Variants in KIF13A observed in about 807,000 individuals in gnomAD.
KIF13A encodes kinesin-like protein KIF13A.
Under a neutral mutation model 212.2 loss-of-function variants are expected in KIF13A, and 79 were observed. The observed-to-expected ratio is 0.37, with a 90% confidence interval of 0.31 to 0.45. KIF13A has a LOEUF of 0.45. KIF13A is among the 20% of genes least tolerant of loss of function. KIF13A has a pLI of 1.00. For missense variants in KIF13A, 1,901 were observed against 2,209.0 expected (o/e 0.86, Z 2.79); for synonymous variants, 789 against 808.6 (o/e 0.98, Z 0.41).
At chr6:17,881,085 T>C (rs1431647236) in intron 3 of KIF13A, among the ~76,000 whole-genome samples, 2 of 152,230 alleles carry the variant, frequency 1.3e-5, no homozygotes, top group African/African-American at 4.8e-5. Flanking sequence ...TTTTGAAATC[T>C]GAAAGCTATT....
chr6:17,942,515 G>A (rs1232395737), intron 2 of KIF13A, among the ~76,000 whole-genome samples: 2 of 152,052 alleles, frequency 1.3e-5, no homozygotes, highest in African/African-American at 4.8e-5. Flanking sequence ...GTTGCAGCAA[G>A]TATTAAATGA....
chr6:17,952,358 T>G (rs1163801388), intron 2 of KIF13A, among the ~76,000 whole-genome samples: 1 of 146,226 alleles, frequency 6.8e-6, no homozygotes, highest in Non-Finnish European at 1.5e-5. Flanking sequence ...ATTGGCCAGG[T>G]GTGGTGGCTC....
rs1276148564 is a variant in KIF13A, at chr6:17,951,712, C to T, written c.146+35342G>A. Among the ~76,000 whole-genome samples the T allele has an allele frequency of 6.6e-6, 1 of 152,122 alleles. No individual in the cohort carries two copies. The highest frequency in any genetic ancestry group is 2.4e-5 in the African/African-American group (1 of 41,430). On this transcript the variant is annotated intron_variant, in intron 2 of 38. Coordinates refer to ENST00000259711, the MANE Select transcript of KIF13A (RefSeq NM_022113.6). The surrounding 1 kb of genome is among the most constrained non-coding windows in gnomAD (Gnocchi z 4.9). ...GACATTTCACATCAATGGAATCATA[C>T]AATACATGGTTCCTTATGACTGCTT...
chr6:17,981,213 TA>T (rs1781046384), intron 2 of KIF13A, among the ~76,000 whole-genome samples: 1 of 152,002 alleles, frequency 6.6e-6, no homozygotes, highest in Non-Finnish European at 1.5e-5. Context: ...ACATAGCCAT[TA>T]TTTTTTTAAT....
In KIF13A at chr6:17,811,219, CA is replaced by C. The variant is rs915852960; in HGVS notation, c.2001-2290del. ...TAAGTCTCATCTTCCACTGAACAACCAACAAGCTTACTGTGCAGTCTGTCCA... is the reference window on the plus strand; with the variant it reads ...TAAGTCTCATCTTCCACTGAACAACCACAAGCTTACTGTGCAGTCTGTCCA... On this transcript the variant is annotated intron_variant, in intron 17 of 38. Coordinates refer to ENST00000259711, the MANE Select transcript of KIF13A (RefSeq NM_022113.6). This position sits in a 1 kb window ranked among gnomAD's most constrained non-coding sequence, Gnocchi z 6.0. 2.0e-5 allele frequency among the ~76,000 whole-genome samples: 3 copies of C among 152,160 alleles called. No individual in the cohort carries two copies. The highest frequency in any genetic ancestry group is 7.2e-5 in the African/African-American group (3 of 41,424).
At chr6:17,851,417 G>A (rs1184885981) in intron 7 of KIF13A, among the ~76,000 whole-genome samples, 1 of 152,202 alleles carries the variant, frequency 6.6e-6, no homozygotes, top group Non-Finnish European at 1.5e-5. Context: ...AGAGATAGCA[G>A]TTTGTGTTAT....
chr6:17,982,238 G>C lies in KIF13A; in HGVS notation c.146+4816C>G, dbSNP rs1415882271. ...TGCCTCCTAAGTAGCTGGGATTATA[G>C]GTGTGCACCACCACACTCGGCTAAC... On this transcript the variant is annotated intron_variant, in intron 2 of 38. Coordinates refer to ENST00000259711, the MANE Select transcript of KIF13A (RefSeq NM_022113.6). This position sits in a 1 kb window ranked among gnomAD's most constrained non-coding sequence, Gnocchi z 5.1. 1 of 155,064 alleles carries C rather than the reference G, an allele frequency of 6.4e-6. No individual in the cohort carries two copies. The highest frequency in any genetic ancestry group is 2.4e-5 in the African/African-American group (1 of 41,424). 9.6% of individuals were successfully genotyped at this position (155,064 alleles called of 1,614,324 possible). A position where few individuals can be genotyped will look rare whatever the true frequency, so the allele number is the denominator to read the frequency against.
chr6:17,935,038 G>C (rs1160365761), intron 2 of KIF13A, among the ~76,000 whole-genome samples: 3 of 152,108 alleles, frequency 2.0e-5, no homozygotes, highest in Admixed American at 6.5e-5. Context: ...TTCACTTGTT[G>C]GCCCAAAATA....
chr6:17,881,674 C>T (rs992309537), intron 3 of KIF13A: 4 of 330,410 alleles, frequency 1.2e-5, no homozygotes, highest in African/African-American at 4.5e-5. Flanking sequence ...TCCAGCCTGG[C>T]GACAGAGCTA....
intron 2 of KIF13A, among the ~76,000 whole-genome samples, chr6:17,956,022 C>G (rs1348597938): frequency 6.6e-6 from 1 of 152,156 alleles, no homozygotes; most frequent in Non-Finnish European, 1.5e-5. Context: ...ATTAACATTG[C>G]TTTAAATCTA....
chr6:17,804,519 T>A lies in KIF13A; in HGVS notation c.2305-9A>T. ...CCGTAGAGTCTCTTTGCCTGAGAAG[T>A]AGGAGGGGCCAGTGAGTGGACGAAT... is the stretch of plus-strand genomic sequence containing the variant. On this transcript the variant is annotated splice_polypyrimidine_tract_variant and intron_variant, in intron 19 of 38. Transcript: ENST00000259711. 1 of 1,585,384 alleles carries A rather than the reference T, an allele frequency of 6.3e-7. No individual in the cohort carries two copies. Among genetic ancestry groups the A allele is most frequent in the East Asian group, 2.3e-5 (1 of 43,894 alleles).
At chr6:17,841,324 C>G (rs1440780284) in intron 9 of KIF13A, among the ~76,000 whole-genome samples, 4 of 152,144 alleles carry the variant, frequency 2.6e-5, no homozygotes, top group Non-Finnish European at 4.4e-5. Flanking sequence ...CTTGGCCTCC[C>G]AAAGTGCTGG....
At chr6:17,942,740 G>A (rs940777980) in intron 2 of KIF13A, among the ~76,000 whole-genome samples, 2 of 152,156 alleles carry the variant, frequency 1.3e-5, no homozygotes, top group African/African-American at 4.8e-5. Flanking sequence ...CACTTTACGA[G>A]GCCAAGGCAG....
intron 33 of KIF13A, among the ~76,000 whole-genome samples, chr6:17,778,347 T>A (rs1174666399): frequency 6.6e-6 from 1 of 152,172 alleles, no homozygotes. Context: ...AAGGGAAGAT[T>A]TTTCTGACAG....
chr6:17,816,610 AC>A lies in KIF13A; in HGVS notation c.2000+409del, dbSNP rs915727679. 1.3e-5 allele frequency among the ~76,000 whole-genome samples: 2 copies of A among 152,144 alleles called. No individual in the cohort carries two copies. Among genetic ancestry groups the A allele is most frequent in the African/African-American group, 4.8e-5 (2 of 41,440 alleles). On this transcript the variant is annotated intron_variant, in intron 17 of 38. Coordinates refer to ENST00000259711, the MANE Select transcript of KIF13A (RefSeq NM_022113.6). The surrounding 1 kb of genome is among the most constrained non-coding windows in gnomAD (Gnocchi z 4.3). ...TAGGATTACAGGTGTGAGCCACTGC[AC>A]CCAGCTATAAATCTTAAACTTTCAC...
In KIF13A at chr6:17,849,441, T is replaced by C; in HGVS notation, c.766A>G (p.Ser256Gly). Residue 256 changes from serine to glycine, a missense_variant, in exon 9 of 39, where the codon AGC becomes GGC. By Grantham distance (56) the Ser-to-Gly change is moderately conservative. Transcript: ENST00000259711. This position sits in a 1 kb window ranked among gnomAD's most constrained non-coding sequence, Gnocchi z 5.7. ...GCTCCTGTTTTAGATACTCTTTCGCTACCCGCCAGGTCTACCAAGCTGACC... is the reference window on the plus strand; with the variant it reads ...GCTCCTGTTTTAGATACTCTTTCGCCACCCGCCAGGTCTACCAAGCTGACC... ...SKVSLVDLAG[S>G]ERVSKTGAAG... 1.2e-6 allele frequency: 2 copies of C among 1,613,822 alleles called. No homozygotes were observed. The highest frequency in any genetic ancestry group is 1.7e-6 in the Non-Finnish European group (2 of 1,179,820).
chr6:17,799,550 CAT>C lies in KIF13A; in HGVS notation c.2617-113_2617-112del, dbSNP rs1216654066. The C allele has an allele frequency of 3.5e-6, 3 of 862,730 alleles. No individual in the cohort carries two copies. Among genetic ancestry groups the C allele is most frequent in the African/African-American group, 1.7e-5 (1 of 58,672 alleles). The allele number at this position is 862,730 out of a possible 1,614,324, so 53.4% of individuals were successfully genotyped here. A position where few individuals can be genotyped will look rare whatever the true frequency, so the allele number is the denominator to read the frequency against. ...TGAAACAAATTGGTCATCCATTTGA[CAT>C]GTGAAAATATTATATCTGACACCGT... On this transcript the variant is annotated intron_variant, in intron 21 of 38. Coordinates refer to ENST00000259711, the MANE Select transcript of KIF13A (RefSeq NM_022113.6). This position sits in a 1 kb window ranked among gnomAD's most constrained non-coding sequence, Gnocchi z 4.4.
In KIF13A at chr6:17,811,303, T is replaced by A. The variant is rs1394696145; in HGVS notation, c.2001-2373A>T. 6.6e-6 allele frequency among the ~76,000 whole-genome samples: 1 copy of A among 152,138 alleles called. No individual in the cohort carries two copies. Among genetic ancestry groups the A allele is most frequent in the African/African-American group, 2.4e-5 (1 of 41,420 alleles). On this transcript the variant is annotated intron_variant, in intron 17 of 38. Transcript: ENST00000259711. The surrounding 1 kb of genome is among the most constrained non-coding windows in gnomAD (Gnocchi z 6.0). ...TTCACACAATCAATGCATACAATAT[T>A]TACTAAATACCTACCAGGTGACCAC...
Position 17,794,952 on chromosome 6 carries a change from A to G in KIF13A, c.2943-248T>C. On this transcript the variant is annotated intron_variant, in intron 23 of 38. Transcript: ENST00000259711. The surrounding 1 kb of genome is among the most constrained non-coding windows in gnomAD (Gnocchi z 4.1). ...GCTCGATGAGTTTTGAGAAATGCACATATGAGTGTAACCTGCCCTATCACC... is the reference window on the plus strand; with the variant it reads ...GCTCGATGAGTTTTGAGAAATGCACGTATGAGTGTAACCTGCCCTATCACC... The G allele has an allele frequency of 2.3e-6, 1 of 441,404 alleles. No homozygotes were observed. The highest frequency in any genetic ancestry group is 4.0e-6 in the Non-Finnish European group (1 of 250,796). The allele number at this position is 441,404 out of a possible 1,614,324, so 27.3% of individuals were successfully genotyped here.
Sources: gnomAD v4.1 joint callset for allele counts (sites outside exome capture counted in the v4.1 genomes callset) on GRCh38, gnomAD v4.1.1 for gene constraint, Gnocchi (gnomAD v3.1) non-coding constraint, MANE v1.5 for transcripts, NCBI Gene and HGNC (gene_info 2026-07-23, HGNC 2026-07-21) for gene names.